The following CACNA1B variants were observed in gnomAD, a reference collection of about 807,000 sequenced individuals.
The protein encoded by CACNA1B is calcium voltage-gated channel subunit alpha1 B.
In CACNA1B, 70 loss-of-function variants were observed where a neutral mutation model predicts 247.2. That is an observed-to-expected ratio of 0.28 (90% confidence interval 0.23 to 0.35). The LOEUF (loss-of-function observed/expected upper bound fraction) is 0.35. Ranked by LOEUF, CACNA1B falls within the 10% of genes least tolerant of loss-of-function variation. CACNA1B has a pLI of 1.00. For synonymous variants in CACNA1B, 1,231 were observed against 1,294.4 expected, an observed-to-expected ratio of 0.95 and a Z score of 1.05; for missense variants, 2,367 against 3,197.4, an observed-to-expected ratio of 0.74 and a Z score of 6.26.
intron 15 of CACNA1B, among the ~76,000 whole-genome samples, chr9:137,993,328 T>A (rs1475157040): frequency 6.6e-6 from 1 of 152,020 alleles, no homozygotes; most frequent in Non-Finnish European, 1.5e-5. Flanking sequence ...AAAATTTAAA[T>A]TTTTGTCTAT....
chr9:137,904,026 C>T (rs999423751), intron 3 of CACNA1B, among the ~76,000 whole-genome samples: 4 of 152,162 alleles, frequency 2.6e-5, no homozygotes, highest in African/African-American at 4.8e-5. Context: ...GTTGTGATTA[C>T]GGTACCTGGA....
chr9:137,892,011 C>G (rs1187435133), intron 3 of CACNA1B: 1 of 456,964 alleles, frequency 2.2e-6, no homozygotes, highest in South Asian at 1.6e-5. Flanking sequence ...CGCCTTGGTC[C>G]TCCTCACTCA....
chr9:137,987,486 T>C (rs1265284487), intron 15 of CACNA1B, among the ~76,000 whole-genome samples: 2 of 152,214 alleles, frequency 1.3e-5, no homozygotes, highest in African/African-American at 4.8e-5. Flanking sequence ...TGCATTCCTG[T>C]CCCATGAAAC....
intron 10 of CACNA1B, among the ~76,000 whole-genome samples, chr9:137,965,358 G>C (rs1328506950): frequency 6.6e-6 from 1 of 152,234 alleles, no homozygotes; most frequent in Non-Finnish European, 1.5e-5. Flanking sequence ...GTGTTTAAAA[G>C]ATATTGGATT....
intron 39 of CACNA1B, among the ~76,000 whole-genome samples, chr9:138,107,814 G>A (rs911223850): frequency 5.3e-5 from 8 of 151,974 alleles, no homozygotes; most frequent in African/African-American, 1.5e-4. Flanking sequence ...GTGAAACCCC[G>A]TCTCTACTAA....
intron 15 of CACNA1B, among the ~76,000 whole-genome samples, chr9:138,005,897 G>A (rs887350762): frequency 5.3e-5 from 8 of 152,072 alleles, no homozygotes; most frequent in Non-Finnish European, 1.0e-4. Context: ...CAAAAAATTA[G>A]CCGGGTGAGG....
Position 137,913,303 on chromosome 9 carries a change from T to C in CACNA1B, c.622+32T>C, listed in dbSNP as rs200901957. 381 of 1,544,430 alleles carry C rather than the reference T, an allele frequency of 2.5e-4. No individual in the cohort carries two copies. The highest frequency in any genetic ancestry group is 3.3e-4 in the Non-Finnish European group (370 of 1,117,416). Reference sequence around the variant, plus strand: ...CCAGCGAAGACAGGCCCAAGCCGGCTTGGAGTAACAACCTCCTCTCCTACC... The same window carrying C: ...CCAGCGAAGACAGGCCCAAGCCGGCCTGGAGTAACAACCTCCTCTCCTACC... On this transcript the variant is annotated intron_variant, in intron 4 of 46. Transcript: ENST00000371372. This position sits in a 1 kb window ranked among gnomAD's most constrained non-coding sequence, Gnocchi z 5.2.
intron 12 of CACNA1B, among the ~76,000 whole-genome samples, chr9:137,979,536 A>G (rs1465165001): frequency 6.6e-6 from 1 of 152,132 alleles, no homozygotes; most frequent in Non-Finnish European, 1.5e-5. Flanking sequence ...GGAGAGGAAT[A>G]TATGGGGGCA....
In CACNA1B at chr9:138,050,954, A is replaced by G. The variant is rs1959253378; in HGVS notation, c.3711-1138A>G. Reference sequence around the variant, plus strand: ...TAGCTCACTCTCCCTGCTCAGCCCCAAGTGTTGCTGGAGCCCCAGGAAGAG... The same window carrying G: ...TAGCTCACTCTCCCTGCTCAGCCCCGAGTGTTGCTGGAGCCCCAGGAAGAG... On this transcript the variant is annotated intron_variant, in intron 24 of 46. Coordinates refer to ENST00000371372, the MANE Select transcript of CACNA1B (RefSeq NM_000718.4). This position sits in a 1 kb window ranked among gnomAD's most constrained non-coding sequence, Gnocchi z 5.2. 6.6e-6 allele frequency among the ~76,000 whole-genome samples: 1 copy of G among 152,120 alleles called. No homozygotes were observed. Among genetic ancestry groups the G allele is most frequent in the Non-Finnish European group, 1.5e-5 (1 of 68,012 alleles).
intron 15 of CACNA1B, among the ~76,000 whole-genome samples, chr9:137,993,302 A>T (rs1308682470): frequency 6.9e-6 from 1 of 145,062 alleles, no homozygotes; most frequent in Non-Finnish European, 1.5e-5. Context: ...TTTTTATTTT[A>T]TCTATCTAGA....
rs1302501126 is a variant in CACNA1B at position 138,114,409 on chromosome 9, A to T, written c.5568A>T (p.Ala1856=). ...PDEMTVGKVY[A]ALMIFDFYKQ... ...AGATGACAGTGGGGAAGGTTTATGC[A>T]GCTCTGATGATATTCGACTTCTACA... Residue 1856 remains alanine, a synonymous_variant, in exon 41 of 47, where the codon GCA becomes GCT. Transcript: ENST00000371372. 1.3e-6 allele frequency: 2 copies of T among 1,592,424 alleles called. No homozygotes were observed. Among genetic ancestry groups the T allele is most frequent in the Non-Finnish European group, 1.7e-6 (2 of 1,167,054 alleles).
chr9:137,887,108 G>A (rs1957026185), intron 3 of CACNA1B, among the ~76,000 whole-genome samples: 1 of 151,934 alleles, frequency 6.6e-6, no homozygotes, highest in African/African-American at 2.4e-5. Flanking sequence ...GGTTGGCGGA[G>A]CAGCGGAGGT....
intron 16 of CACNA1B, among the ~76,000 whole-genome samples, chr9:138,008,175 C>A (rs931170680): frequency 1.3e-5 from 2 of 152,184 alleles, no homozygotes; most frequent in Non-Finnish European, 2.9e-5. Context: ...CCGGAGGCAC[C>A]AAAGAAAGGC....
chr9:137,923,249 G>GGTATTCCGTGGTGCCAGGTA (rs1957508683), intron 6 of CACNA1B, among the ~76,000 whole-genome samples: 1 of 141,434 alleles, frequency 7.1e-6, no homozygotes, highest in African/African-American at 2.7e-5. Flanking sequence ...GGTGCCAGGT[G>GGTATTCCGTGGTGCCAGGTA]GTATTCCGTG....
At position 137,950,738 on chromosome 9, in the gene CACNA1B, A is replaced by G. The variant is rs367963722; in HGVS notation, c.967-1536A>G. 1.3e-5 allele frequency among the ~76,000 whole-genome samples: 2 copies of G among 152,164 alleles called. No homozygotes were observed. Among genetic ancestry groups the G allele is most frequent in the African/African-American group, 4.8e-5 (2 of 41,426 alleles). On this transcript the variant is annotated intron_variant, in intron 6 of 46. Coordinates refer to ENST00000371372, the MANE Select transcript of CACNA1B (RefSeq NM_000718.4). This position sits in a 1 kb window ranked among gnomAD's most constrained non-coding sequence, Gnocchi z 4.8. ...AGGCTTCAGCAGCTCCAAATGTGGG[A>G]TATAAGAGGCAAGAAGAAAACCCCA...
At chr9:137,995,531 A>C (rs1044587602) in intron 15 of CACNA1B, among the ~76,000 whole-genome samples, 2 of 152,184 alleles carry the variant, frequency 1.3e-5, no homozygotes, top group African/African-American at 4.8e-5. Flanking sequence ...ACAAAAATCA[A>C]CTCAAGATGG....
In CACNA1B at chr9:138,057,228, C is replaced by G. The variant is rs961160127; in HGVS notation, c.3969-504C>G. Among the ~76,000 whole-genome samples, 3 of 152,162 alleles carry G rather than the reference C, an allele frequency of 2.0e-5. No individual in the cohort carries two copies. The highest frequency in any genetic ancestry group is 7.2e-5 in the African/African-American group (3 of 41,444). ...CTGGGATTACAGGCGTGAGCCACCG[C>G]GCCCGGCCTTTTTTATTTATTAGAA... On this transcript the variant is annotated intron_variant, in intron 26 of 46. Coordinates refer to ENST00000371372, the MANE Select transcript of CACNA1B (RefSeq NM_000718.4). The surrounding 1 kb of genome is among the most constrained non-coding windows in gnomAD (Gnocchi z 4.0).
intron 5 of CACNA1B, among the ~76,000 whole-genome samples, chr9:137,915,018 A>G (rs564884800): frequency 6.6e-6 from 1 of 152,378 alleles, no homozygotes; most frequent in Admixed American, 6.5e-5. Context: ...AACTTTTGGG[A>G]AGAAAACAAA....
intron 23 of CACNA1B, 35 bp from the exon 24 acceptor site, chr9:138,049,174 C>T (rs377505279): frequency 1.5e-6 from 2 of 1,372,482 alleles, no homozygotes; most frequent in Non-Finnish European, 2.1e-6. Flanking sequence ...CTTTTCTGGA[C>T]TATGACGTAT....
Sources: allele counts gnomAD v4.1 joint callset (sites outside exome capture counted in the v4.1 genomes callset), GRCh38; gene constraint gnomAD v4.1.1; non-coding constraint Gnocchi (gnomAD v3.1); transcripts MANE v1.5; gene names NCBI Gene and HGNC (gene_info 2026-07-23, HGNC 2026-07-21).